The following NBEA variants were observed in gnomAD, a reference collection of about 807,000 sequenced individuals.
The protein encoded by NBEA is neurobeachin.
NBEA carries 44 observed loss-of-function variants against 343.4 expected under a neutral mutation model. The ratio of observed to expected loss-of-function variants is 0.13; its 90% CI spans 0.10 to 0.16. NBEA has a LOEUF of 0.16. Among genes scored for constraint, NBEA ranks in the 10% least tolerant of loss-of-function variants. The probability of loss-of-function intolerance (pLI) is 1.00; values close to 1 mark genes in which losing one functional copy is unlikely to be tolerated. For missense variants in NBEA, 2,555 were observed against 3,631.3 expected (o/e 0.70, Z 7.62); for synonymous variants, 1,175 against 1,238.7 (o/e 0.95, Z 1.08).
intron 1 of NBEA, among the ~76,000 whole-genome samples, chr13:35,018,097 G>A (rs2061714586): frequency 6.6e-6 from 1 of 152,002 alleles, no homozygotes; most frequent in Non-Finnish European, 1.5e-5. Context: ...ATTATGTTCT[G>A]TTAATGTGTA....
chr13:35,286,106 G>A (rs1293442786), intron 34 of NBEA, among the ~76,000 whole-genome samples: 3 of 152,014 alleles, frequency 2.0e-5, no homozygotes, highest in African/African-American at 4.8e-5. Context: ...TTCTCACACT[G>A]CATTCTCTAT....
At chr13:35,642,492 C>T (rs2084010617) in intron 49 of NBEA, among the ~76,000 whole-genome samples, 2 of 152,092 alleles carry the variant, frequency 1.3e-5, no homozygotes, top group Non-Finnish European at 2.9e-5. Flanking sequence ...TTTGGGTTTA[C>T]TGGAAAGTAC....
At chr13:35,577,441 A>C (rs1307704528) in intron 45 of NBEA, among the ~76,000 whole-genome samples, 1 of 152,170 alleles carries the variant, frequency 6.6e-6, no homozygotes, top group African/African-American at 2.4e-5. Context: ...TATATATTGG[A>C]AATTGGCATT....
chr13:35,127,630 T>C (rs2152682293), intron 17 of NBEA, among the ~76,000 whole-genome samples: 1 of 152,220 alleles, frequency 6.6e-6, no homozygotes, highest in Non-Finnish European at 1.5e-5. Flanking sequence ...TGACTAAAAT[T>C]TGATGATGTA....
intron 46 of NBEA, among the ~76,000 whole-genome samples, chr13:35,587,946 A>C (rs2081360141): frequency 7.4e-6 from 1 of 135,772 alleles, no homozygotes. Flanking sequence ...TAGTAGCCAC[A>C]TTTATAAGTA....
intron 1 of NBEA, among the ~76,000 whole-genome samples, chr13:34,965,960 TTAG>T (rs1295947214): frequency 1.3e-5 from 2 of 152,058 alleles, no homozygotes; most frequent in Non-Finnish European, 2.9e-5. Flanking sequence ...TGATTTAATA[TTAG>T]TAGGAGCTCT....
Position 35,196,093 on chromosome 13 carries a change from T to C in NBEA, c.5157T>C (p.Thr1719=). ...TGAAGAAATCACAAGAGAGCTTAAC[T>C]GAAAATCCTAGTGAAACGTTGAAGC... ...SEVKKSQESL[T]ENPSETLKPA... is the part of the protein sequence containing the mutation. Residue 1719 remains threonine, a synonymous_variant, in exon 31 of 59, where the codon ACT becomes ACC. Coordinates refer to ENST00000379939, the MANE Select transcript of NBEA (RefSeq NM_001385012.1). 6.2e-7 allele frequency: 1 copy of C among 1,613,664 alleles called. No homozygotes were observed. The highest frequency in any genetic ancestry group is 1.3e-5 in the African/African-American group (1 of 75,040).
chr13:35,442,088 A>T (rs1005027516), intron 39 of NBEA, among the ~76,000 whole-genome samples: 1 of 152,068 alleles, frequency 6.6e-6, no homozygotes, highest in Non-Finnish European at 1.5e-5. Flanking sequence ...TATGCTCATT[A>T]TAGGAAATAC....
chr13:35,347,421 T>C (rs2039944798), intron 36 of NBEA, among the ~76,000 whole-genome samples: 1 of 151,850 alleles, frequency 6.6e-6, no homozygotes, highest in African/African-American at 2.4e-5. Context: ...AATGAAGGAA[T>C]ATGAGGATTA....
intron 38 of NBEA, among the ~76,000 whole-genome samples, chr13:35,401,669 GA>G (rs1250959341): frequency 6.6e-6 from 1 of 151,938 alleles, no homozygotes; most frequent in African/African-American, 2.4e-5. Context: ...AAATAGTTCA[GA>G]ATCAATAAGA....
chr13:35,343,409 T>A (rs1001257508), intron 36 of NBEA, among the ~76,000 whole-genome samples: 2 of 152,074 alleles, frequency 1.3e-5, no homozygotes, highest in African/African-American at 4.8e-5. Flanking sequence ...ATACTATTGA[T>A]ATATAGAACT....
intron 36 of NBEA, among the ~76,000 whole-genome samples, chr13:35,311,904 A>G (rs897964692): frequency 2.0e-5 from 3 of 152,146 alleles, no homozygotes; most frequent in African/African-American, 4.8e-5. Flanking sequence ...AATTCTGTCC[A>G]TTATGTTCTC....
intron 49 of NBEA, among the ~76,000 whole-genome samples, chr13:35,629,254 C>T (rs17769171): frequency 0.022 from 3,299 of 152,220 alleles, 52 homozygotes; most frequent in Non-Finnish European, 0.03. Flanking sequence ...TGCCATCTGT[C>T]GTATGCAAAA....
intron 34 of NBEA, among the ~76,000 whole-genome samples, chr13:35,262,194 G>A (rs957306337): frequency 2.6e-5 from 4 of 152,220 alleles, no homozygotes; most frequent in Non-Finnish European, 5.9e-5. Context: ...ATATGCAGCA[G>A]CTGGCATCTC....
At chr13:35,596,974 C>T (rs922603020) in intron 47 of NBEA, among the ~76,000 whole-genome samples, 1 of 151,896 alleles carries the variant, frequency 6.6e-6, no homozygotes, top group Non-Finnish European at 1.5e-5. Flanking sequence ...GTGAAAACGT[C>T]TGGATCGGAT....
At chr13:35,053,500 T>C (rs1351267578) in intron 6 of NBEA, among the ~76,000 whole-genome samples, 1 of 152,118 alleles carries the variant, frequency 6.6e-6, no homozygotes, top group Admixed American at 6.6e-5. Flanking sequence ...CAGTTACTTA[T>C]AGTATTTACT....
chr13:34,978,720 A>G (rs937468154), intron 1 of NBEA, among the ~76,000 whole-genome samples: 16 of 152,276 alleles, frequency 1.1e-4, no homozygotes, highest in African/African-American at 2.4e-4. Context: ...AACAGTGTCA[A>G]TGAACCCTTT....
At chr13:35,637,412 A>G (rs924775054) in intron 49 of NBEA, among the ~76,000 whole-genome samples, 4 of 152,220 alleles carry the variant, frequency 2.6e-5, no homozygotes, top group Admixed American at 6.5e-5. Context: ...AAAATTAAAA[A>G]TAGAATTCCC....
At chr13:35,583,085 A>T (rs1200705776) in intron 45 of NBEA, among the ~76,000 whole-genome samples, 1 of 152,240 alleles carries the variant, frequency 6.6e-6, no homozygotes, top group Non-Finnish European at 1.5e-5. Flanking sequence ...GACTCTGTAT[A>T]CCATTAATCC....
Sources: allele counts gnomAD v4.1 joint callset (sites outside exome capture counted in the v4.1 genomes callset), GRCh38; gene constraint gnomAD v4.1.1; transcripts MANE v1.5; gene names NCBI Gene and HGNC (gene_info 2026-07-23, HGNC 2026-07-21).